The following EEFSEC variants were observed in gnomAD, a reference collection of about 807,000 sequenced individuals.
The protein encoded by EEFSEC is eukaryotic elongation factor, selenocysteine-tRNA specific, also known as selenocysteine-specific elongation factor.
Under a neutral mutation model 42.1 loss-of-function variants are expected in EEFSEC, and 43 were observed. The ratio of observed to expected loss-of-function variants is 1.02; its 90% CI spans 0.80 to 1.32. The LOEUF is 1.32. EEFSEC is among the 40% of genes most tolerant of loss of function. The pLI is 0.00. For missense variants in EEFSEC, 745 were observed against 803.6 expected, an observed-to-expected ratio of 0.93 and a Z score of 0.88; for synonymous variants, 354 against 339.1, an observed-to-expected ratio of 1.04 and a Z score of -0.48.
rs565436745 is a variant in EEFSEC, at chr3:128,388,789, T to C, written c.1601-19280T>C. ...CCTGAGCCCTTGCAGGGGTGTTTTT[T>C]GAAACTCAGTCCAGAAGACGTGAAA... On this transcript the variant is annotated intron_variant, in intron 6 of 6. Transcript: ENST00000254730. Among the ~76,000 whole-genome samples the C allele has an allele frequency of 2.1e-4, 32 of 152,330 alleles. 1 individual carries two copies. Among genetic ancestry groups the C allele is most frequent in the African/African-American group, 7.5e-4 (31 of 41,562 alleles).
At chr3:128,202,230 T>A (rs2065650844) in intron 1 of EEFSEC, among the ~76,000 whole-genome samples, 1 of 152,174 alleles carries the variant, frequency 6.6e-6, no homozygotes. Context: ...AAAAAATAAA[T>A]CCTGGGATTA....
chr3:128,215,199 T>C (rs1352925380), intron 1 of EEFSEC, among the ~76,000 whole-genome samples: 2 of 152,160 alleles, frequency 1.3e-5, no homozygotes, highest in African/African-American at 4.8e-5. Flanking sequence ...TATGTCTTAT[T>C]TGAAGGTGAT....
intron 6 of EEFSEC, among the ~76,000 whole-genome samples, chr3:128,401,656 A>T (rs1473019449): frequency 6.6e-6 from 1 of 152,208 alleles, no homozygotes; most frequent in Non-Finnish European, 1.5e-5. Context: ...GAGAGAGGCC[A>T]GAAAGAGAAT....
At chr3:128,308,845 T>C (rs572309985) in intron 4 of EEFSEC, among the ~76,000 whole-genome samples, 38 of 152,344 alleles carry the variant, frequency 2.5e-4, no homozygotes, top group Middle Eastern at 3.4e-3. Flanking sequence ...CCGCCCCTGC[T>C]GTCTGCAGGT....
At chr3:128,300,703 A>G (rs540142634) in intron 4 of EEFSEC, among the ~76,000 whole-genome samples, 4 of 152,328 alleles carry the variant, frequency 2.6e-5, no homozygotes, top group Non-Finnish European at 5.9e-5. Context: ...TTAAAACAAC[A>G]CATACATATG....
intron 5 of EEFSEC, among the ~76,000 whole-genome samples, chr3:128,345,634 C>T (rs1029712241): frequency 1.3e-5 from 2 of 152,204 alleles, no homozygotes; most frequent in African/African-American, 4.8e-5. Flanking sequence ...GAGCCAGCAC[C>T]CAGCCTTTGC....
chr3:128,421,012 A>G, the EEFSEC span, among the ~76,000 whole-genome samples: 1 of 152,140 alleles, frequency 6.6e-6, no homozygotes, highest in Non-Finnish European at 1.5e-5. Context: ...GGAGCATCAT[A>G]GGGCTGGCCA....
chr3:128,163,955 A>T (rs900738873), intron 1 of EEFSEC, among the ~76,000 whole-genome samples: 20 of 151,036 alleles, frequency 1.3e-4, no homozygotes, highest in African/African-American at 4.9e-4. Flanking sequence ...AAAAAAAACA[A>T]AACTATTTCT....
chr3:128,264,486 A>G (rs1051155446), intron 3 of EEFSEC, 131 bp from the exon 4 acceptor site: 35 of 1,030,996 alleles, frequency 3.4e-5, no homozygotes, highest in Admixed American at 1.8e-4. Context: ...TTGCCAGGGC[A>G]TGGACCTCTG....
intron 6 of EEFSEC, among the ~76,000 whole-genome samples, chr3:128,372,418 C>T (rs535028765): frequency 2.0e-5 from 3 of 152,278 alleles, no homozygotes; most frequent in African/African-American, 7.2e-5. Context: ...ATACATGTGC[C>T]AGCAGCAGGA....
rs75395793 is a variant in EEFSEC, at chr3:128,160,210, G to A, written c.316+6387G>A. Among the ~76,000 whole-genome samples, 657 of 152,316 alleles carry A rather than the reference G, an allele frequency of 4.3e-3. 27 individuals are homozygous for A. The East Asian group carries it at 0.068, about 16-fold the overall frequency. On this transcript the variant is annotated intron_variant, in intron 1 of 6. Transcript: ENST00000254730. ...CCTTTAGGAGCTTACATCAGAACCC[G>A]GAAGACACTGCTGTGTACAAAGTGA...
At chr3:128,197,350 A>T (rs1381525758) in intron 1 of EEFSEC, among the ~76,000 whole-genome samples, 1 of 152,064 alleles carries the variant, frequency 6.6e-6, no homozygotes, top group African/African-American at 2.4e-5. Context: ...GGCTCACTGC[A>T]ACCTCTGCTT....
At chr3:128,265,768 G>A (rs1446695094) in intron 4 of EEFSEC, among the ~76,000 whole-genome samples, 2 of 152,164 alleles carry the variant, frequency 1.3e-5, no homozygotes, top group Admixed American at 1.3e-4. Flanking sequence ...CACTAGGTGT[G>A]TTGGTTAAGG....
chr3:128,244,529 A>G (rs1051419371), intron 1 of EEFSEC, among the ~76,000 whole-genome samples: 5 of 151,030 alleles, frequency 3.3e-5, no homozygotes, highest in African/African-American at 1.2e-4. Flanking sequence ...GGGCATGGTC[A>G]GGTCTGTGTT....
In EEFSEC at chr3:128,402,524, C is replaced by T. The variant is rs529645020; in HGVS notation, c.1601-5545C>T. Reference sequence around the variant, plus strand: ...TGGGAATCAGATAGCCTGGCGTTCCCGCTCTGCCTGTAAATAGCCGTGTGA... The same window carrying T: ...TGGGAATCAGATAGCCTGGCGTTCCTGCTCTGCCTGTAAATAGCCGTGTGA... On this transcript the variant is annotated intron_variant, in intron 6 of 6. Coordinates refer to ENST00000254730, the MANE Select transcript of EEFSEC (RefSeq NM_021937.5). 9.8e-5 allele frequency among the ~76,000 whole-genome samples: 15 copies of T among 152,320 alleles called. No homozygotes were observed. The East Asian group carries it at 1.9e-3, about 20-fold the overall frequency.
chr3:128,215,433 C>T (rs4857875), intron 1 of EEFSEC, among the ~76,000 whole-genome samples: 107,166 of 151,822 alleles, frequency 0.71, 38,049 homozygotes, highest in East Asian at 0.89. Context: ...TTAACTACTT[C>T]ATAGGATCCT....
Position 128,244,056 on chromosome 3 carries a change from T to G in EEFSEC, c.317-2780T>G, listed in dbSNP as rs567082400. 2.0e-5 allele frequency among the ~76,000 whole-genome samples: 3 copies of G among 152,358 alleles called. No homozygotes were observed. In the South Asian group the frequency reaches 6.2e-4, roughly 32 times the overall value. Reference sequence around the variant, plus strand: ...ACGCATGAGGTTGAGTGGCCTTGGTTCTGTGGGCACAGCTTCACCCACCGG... The same window carrying G: ...ACGCATGAGGTTGAGTGGCCTTGGTGCTGTGGGCACAGCTTCACCCACCGG... On this transcript the variant is annotated intron_variant, in intron 1 of 6. Coordinates refer to ENST00000254730, the MANE Select transcript of EEFSEC (RefSeq NM_021937.5).
chr3:128,267,780 T>A (rs1162541904), intron 4 of EEFSEC, among the ~76,000 whole-genome samples: 1 of 152,214 alleles, frequency 6.6e-6, no homozygotes, highest in East Asian at 1.9e-4. Flanking sequence ...CCAAGCAACT[T>A]AGCAGCAACC....
intron 1 of EEFSEC, among the ~76,000 whole-genome samples, chr3:128,201,415 C>G (rs1233193049): frequency 6.6e-6 from 1 of 151,962 alleles, no homozygotes; most frequent in Non-Finnish European, 1.5e-5. Context: ...TAGCAGAGAT[C>G]CTGTGGTGGT....
Sources: allele counts gnomAD v4.1 joint callset (sites outside exome capture counted in the v4.1 genomes callset), GRCh38; gene constraint gnomAD v4.1.1; transcripts MANE v1.5; gene names NCBI Gene and HGNC (gene_info 2026-07-23, HGNC 2026-07-21).